CERK: variants seen among roughly 807,000 people sequenced by gnomAD.
CERK encodes ceramide kinase, also known as acylsphingosine kinase.
A neutral mutation model predicts 63.4 loss-of-function variants in CERK; 39 were observed. The observed-to-expected ratio is 0.61, with a 90% CI of 0.48 to 0.80. The LOEUF (loss-of-function observed/expected upper bound fraction) is 0.80. CERK is among the 30% of genes least tolerant of loss of function. The probability of loss-of-function intolerance (pLI) is 0.00; values close to 1 mark genes in which losing one functional copy is unlikely to be tolerated. For missense variants in CERK, 670 were observed against 714.1 expected (o/e 0.94, Z 0.70); for synonymous variants, 302 against 280.0 (o/e 1.08, Z -0.78).
intron 5 of CERK, 42 bp from the exon 6 acceptor site, chr22:46,708,030 G>C: frequency 6.4e-7 from 1 of 1,560,888 alleles, no homozygotes; most frequent in Non-Finnish European, 8.7e-7. Flanking sequence ...TGCAGGTGCG[G>C]CCCTCTGAGC....
At chr22:46,730,652 G>C (rs1247601422) in intron 1 of CERK, among the ~76,000 whole-genome samples, 3 of 151,762 alleles carry the variant, frequency 2.0e-5, no homozygotes, top group South Asian at 4.1e-4. Flanking sequence ...GCTTCTGGGA[G>C]GATGGATTAG....
At chr22:46,698,130 G>A (rs1292355349) in intron 8 of CERK, among the ~76,000 whole-genome samples, 1 of 152,224 alleles carries the variant, frequency 6.6e-6, no homozygotes, top group East Asian at 1.9e-4. Context: ...GAGGACCACT[G>A]GGCTCAAGAA....
At position 46,691,682 on chromosome 22, in the gene CERK, A is replaced by G. The variant is rs2082732493; in HGVS notation, c.1222T>C (p.Ser408Pro). 1 of 1,613,880 alleles carries G rather than the reference A, an allele frequency of 6.2e-7. No homozygotes were observed. Among genetic ancestry groups the G allele is most frequent in the Admixed American group, 1.7e-5 (1 of 60,014 alleles). ...CACRRSPRGLSPAAHLGDGSS... is the reference protein window; with the variant it reads ...CACRRSPRGLPPAAHLGDGSS... ...CCGTCTCCCAAGTGGGCAGCCGGGG[A>G]GAGGCCCCTGGGGCTCCGGCGACAA... Residue 408 changes from serine (S) to proline (P), a missense_variant, in exon 11 of 13, where the codon TCC becomes CCC. Physicochemically the swap from Ser to Pro is moderately conservative, Grantham distance 74. Transcript: ENST00000216264.
At position 46,707,915 on chromosome 22, in the gene CERK, C is replaced by T. The variant is rs753362414; in HGVS notation, c.643G>A (p.Ala215Thr). 104 of 1,613,900 alleles carry T rather than the reference C, an allele frequency of 6.4e-5. 1 individual carries two copies. The Middle Eastern group carries it at 9.9e-4, about 15-fold the overall frequency. ...CGGGGGTGGTTCTGGTCGACCCCGG[C>T]GCTCCTCTGCGTCCTCCCAATCAGA... ...HGLIGRTQRS[A>T]GVDQNHPRAV... The change falls in exon 6 of 13, where the codon GCC becomes ACC. Residue 215 changes from alanine (A) to threonine (T), a missense_variant. By Grantham distance (58) the Ala-to-Thr change is moderately conservative (BLOSUM62 0). Transcript: ENST00000216264.
At chr22:46,703,472 C>A (rs536755896) in intron 6 of CERK, among the ~76,000 whole-genome samples, 3 of 152,208 alleles carry the variant, frequency 2.0e-5, no homozygotes, top group Non-Finnish European at 2.9e-5. Context: ...CGCATCCAGG[C>A]GGCCTCCCAC....
In CERK at chr22:46,734,991, T is replaced by C. The variant is rs78475520; in HGVS notation, c.142+3016A>G. On this transcript the variant is annotated intron_variant, in intron 1 of 12. Transcript: ENST00000216264. ...CTGCCCAACGAGTTCACCACCAGCCTGGGACATCCCAAGTGGGGTTGGTGG... is the reference window on the plus strand; with the variant it reads ...CTGCCCAACGAGTTCACCACCAGCCCGGGACATCCCAAGTGGGGTTGGTGG... Among the ~76,000 whole-genome samples the C allele has an allele frequency of 2.3e-3, 357 of 152,196 alleles. 13 individuals carry two copies. In the East Asian group the frequency reaches 0.061, roughly 26 times the overall value.
chr22:46,720,589 A>G (rs1413385989), intron 2 of CERK, among the ~76,000 whole-genome samples: 1 of 152,030 alleles, frequency 6.6e-6, no homozygotes, highest in Non-Finnish European at 1.5e-5. Context: ...CCAGCTACTC[A>G]GGAGGCTGAG....
chr22:46,690,864 T>G (rs1040799155), intron 11 of CERK, among the ~76,000 whole-genome samples: 2 of 152,162 alleles, frequency 1.3e-5, no homozygotes, highest in Non-Finnish European at 2.9e-5. Flanking sequence ...TGTTTTTAAA[T>G]AGGAAGAGAA....
In CERK at chr22:46,684,877, A is replaced by G. The variant is rs910376357; in HGVS notation, c.*2257T>C. 5 of 152,110 alleles carry G rather than the reference A, an allele frequency of 3.3e-5. No homozygotes were observed. Among genetic ancestry groups the G allele is most frequent in the South Asian group, 2.1e-4 (1 of 4,830 alleles). 9.4% of individuals were successfully genotyped at this position (152,110 alleles called of 1,614,324 possible). A position where few individuals can be genotyped will look rare whatever the true frequency, so the allele number is the denominator to read the frequency against. On this transcript the variant is annotated 3_prime_UTR_variant, in exon 13 of 13. Transcript: ENST00000216264. ...GCAGGTGTCAGACACACGGTACCGC[A>G]ACAGCAGTCCCGAGGTCTGAGATTC...
intron 6 of CERK, 91 bp from the exon 7 acceptor site, chr22:46,701,801 C>T: frequency 2.3e-6 from 2 of 880,486 alleles, no homozygotes; most frequent in Non-Finnish European, 1.8e-6. Context: ...CATTCCTTTC[C>T]TTCCATGGCC....
chr22:46,703,346 C>G (rs1170936335), intron 6 of CERK, among the ~76,000 whole-genome samples: 1 of 152,092 alleles, frequency 6.6e-6, no homozygotes, highest in African/African-American at 2.4e-5. Flanking sequence ...CCCCACCTGC[C>G]CCTCCTGCCT....
intron 1 of CERK, among the ~76,000 whole-genome samples, chr22:46,722,390 G>A (rs1448882982): frequency 6.6e-6 from 1 of 152,064 alleles, no homozygotes; most frequent in Admixed American, 6.6e-5. Flanking sequence ...AGCCCCAGGG[G>A]AGCAGACTTG....
At position 46,695,271 on chromosome 22, in the gene CERK, A is replaced by C; in HGVS notation, c.988T>G (p.Ser330Ala). ...LSHHCYEGTV[S>A]FLPAQHTVGS... ...ACCGTGTGTTGTGCAGGGAGGAAGG[A>C]CACTGTCCCTTCATAGCAGTGGTGG... is the stretch of plus-strand genomic sequence containing the variant. The change falls in exon 9 of 13, where the codon TCC becomes GCC. Residue 330 changes from serine to alanine, a missense_variant. Transcript: ENST00000216264. 6.2e-7 allele frequency: 1 copy of C among 1,612,754 alleles called. No homozygotes were observed. The highest frequency in any genetic ancestry group is 8.5e-7 in the Non-Finnish European group (1 of 1,178,732).
intron 1 of CERK, among the ~76,000 whole-genome samples, chr22:46,734,317 C>A (rs1223718179): frequency 6.6e-6 from 1 of 151,508 alleles, no homozygotes; most frequent in South Asian, 2.1e-4. Context: ...TTAAAAAAAA[C>A]AAAATGAGAT....
At position 46,697,513 on chromosome 22, in the gene CERK, CT is replaced by C. The variant is rs143484513; in HGVS notation, c.943+1799del. ...TCGCCCAGGCTGAAATTCTACTTTT[CT>C]TTTTTTTTGAGACAGAGGTCTCGCT... On this transcript the variant is annotated intron_variant, in intron 8 of 12. Coordinates refer to ENST00000216264, the MANE Select transcript of CERK (RefSeq NM_022766.6). Among the ~76,000 whole-genome samples, 433 of 150,878 alleles carry C rather than the reference CT, an allele frequency of 2.9e-3. 2 individuals are homozygous for C. The highest frequency in any genetic ancestry group is 9.9e-3 in the African/African-American group (406 of 41,104).
Position 46,693,485 on chromosome 22 carries a change from T to C in CERK, c.1068A>G (p.Gln356=). Residue 356 remains glutamine, a synonymous_variant, in exon 10 of 13, where the codon CAA becomes CAG. Coordinates refer to ENST00000216264, the MANE Select transcript of CERK (RefSeq NM_022766.6). Reference sequence around the variant, plus strand: ...GCTCCTCCTCCAGCTGCTGCTTGCTTTGCCTGCAAACAAAGCATCTGAAAG... The same window carrying C: ...GCTCCTCCTCCAGCTGCTGCTTGCTCTGCCTGCAAACAAAGCATCTGAAAG... ...PCRAGCFVCR[Q]SKQQLEEEQK... 6.2e-7 allele frequency: 1 copy of C among 1,614,160 alleles called. No homozygotes were observed.
intron 4 of CERK, 24 bp downstream of exon 4, chr22:46,712,144 C>A (rs1601720615): frequency 6.2e-7 from 1 of 1,613,226 alleles, no homozygotes. Context: ...CTTACTTCTA[C>A]ATAGTTAACA....
Position 46,717,901 on chromosome 22 carries a change from C to T in CERK, c.379+2185G>A, listed in dbSNP as rs191321177. The stretch of plus-strand genomic sequence containing the variant: ...TTCGAGACCAGTCTGGCCAACACGG[C>T]GAAACTCTGTCTCTACAACAAATAC... On this transcript the variant is annotated intron_variant, in intron 3 of 12. Transcript: ENST00000216264. Among the ~76,000 whole-genome samples the T allele has an allele frequency of 3.1e-4, 46 of 147,544 alleles. No individual in the cohort carries two copies. In the East Asian group the frequency reaches 7.6e-3, roughly 24 times the overall value.
intron 6 of CERK, among the ~76,000 whole-genome samples, chr22:46,702,789 C>T (rs1225401520): frequency 6.6e-6 from 1 of 152,226 alleles, no homozygotes; most frequent in African/African-American, 2.4e-5. Context: ...TGCAGCTGCC[C>T]CGGCTGATCG....
Sources: gnomAD v4.1 joint callset for allele counts (sites outside exome capture counted in the v4.1 genomes callset) on GRCh38, gnomAD v4.1.1 for gene constraint, MANE v1.5 for transcripts, NCBI Gene and HGNC (gene_info 2026-07-23, HGNC 2026-07-21) for gene names.